Variants in RYR3 observed in about 807,000 individuals in gnomAD.
RYR3 encodes the protein brain ryanodine receptor-calcium release channel.
RYR3 carries 207 observed loss-of-function variants against 584.3 expected under a neutral mutation model. The ratio of observed to expected loss-of-function variants is 0.35; its 90% confidence interval spans 0.32 to 0.40. The LOEUF (loss-of-function observed/expected upper bound fraction) is 0.40, where lower values mean the gene tolerates loss of function less well. Among genes scored for constraint, RYR3 ranks in the 10% least tolerant of loss-of-function variants. RYR3 has a pLI of 1.00. For missense variants in RYR3, 5,616 were observed against 6,089.2 expected (o/e 0.92, Z 2.59); for synonymous variants, 2,416 against 2,248.5 (o/e 1.07, Z -2.11).
Position 33,696,336 on chromosome 15 carries a change from T to C in RYR3, c.5979T>C (p.Ile1993=), listed in dbSNP as rs1348375468. Residue 1993 remains isoleucine (I), a synonymous_variant, in exon 39 of 104, where the codon ATT becomes ATC. Coordinates refer to ENST00000634891, the MANE Select transcript of RYR3 (RefSeq NM_001036.6). ...FNLLRRQYDS[I]GELLQALRKT... is the part of the protein sequence containing the mutation. ...TCCTCCGGAGGCAGTATGACAGCAT[T>C]GGGGAGCTGCTGCAGGCGCTGCGGA... 1 of 1,613,634 alleles carries C rather than the reference T, an allele frequency of 6.2e-7. No individual in the cohort carries two copies.
chr15:33,854,844 T>C lies in RYR3; in HGVS notation c.13939T>C (p.Leu4647=), dbSNP rs376267599. ...YNNFFFAAHL[L]DIAMGFKTLR... is the part of the protein sequence containing the mutation. ...TAACTTCTTCTTTGCTGCTCACCTA[T>C]TGGACATCGCAATGGGCTTCAAGAC... The change falls in exon 98 of 104, where the codon TTG becomes CTG. Residue 4647 remains leucine (L), a synonymous_variant. Coordinates refer to ENST00000634891, the MANE Select transcript of RYR3 (RefSeq NM_001036.6). 40 of 1,613,808 alleles carry C rather than the reference T, an allele frequency of 2.5e-5. No individual in the cohort carries two copies. Among genetic ancestry groups the C allele is most frequent in the African/African-American group, 5.3e-5 (4 of 74,910 alleles).
At chr15:33,715,240 T>C (rs990457732) in intron 43 of RYR3, among the ~76,000 whole-genome samples, 2 of 152,118 alleles carry the variant, frequency 1.3e-5, no homozygotes, top group African/African-American at 4.8e-5. Context: ...GTTTTTAGAG[T>C]CAGAAAGGGC....
In RYR3 at chr15:33,831,055, C is replaced by G; in HGVS notation, c.11427C>G (p.Thr3809=). 6.2e-7 allele frequency: 1 copy of G among 1,613,664 alleles called. No individual in the cohort carries two copies. The highest frequency in any genetic ancestry group is 8.5e-7 in the Non-Finnish European group (1 of 1,179,788). Residue 3809 remains threonine, a synonymous_variant, in exon 86 of 104, where the codon ACC becomes ACG. Transcript: ENST00000634891. ...ATTTTTCCAAAGCTCTGGCAGTCAC[C>G]AAGCAGATTTTCAATTCTCTTACAG... ...QHNFSKALAV[T]KQIFNSLTEY...
At position 33,368,150 on chromosome 15, in the gene RYR3, AT is replaced by A. The variant is rs559078477; in HGVS notation, c.51+57056del. Among the ~76,000 whole-genome samples, 21 of 152,272 alleles carry A rather than the reference AT, an allele frequency of 1.4e-4. No homozygotes were observed. In the South Asian group the frequency reaches 4.4e-3, roughly 32 times the overall value. Reference sequence around the variant, plus strand: ...TTTTGAAAAACCAGCCTAGTTTTCAATTCACAAAGGTAAATCACAAAAAGAC... The same window carrying A: ...TTTTGAAAAACCAGCCTAGTTTTCAATCACAAAGGTAAATCACAAAAAGAC... On this transcript the variant is annotated intron_variant, in intron 1 of 103. Transcript: ENST00000634891.
chr15:33,810,144 G>A (rs1341790049), intron 70 of RYR3, among the ~76,000 whole-genome samples: 1 of 152,090 alleles, frequency 6.6e-6, no homozygotes, highest in Non-Finnish European at 1.5e-5. Context: ...AACTTTTCTG[G>A]GGCCATTTTT....
chr15:33,647,717 A>G (rs1377200203), intron 30 of RYR3, among the ~76,000 whole-genome samples: 1 of 152,194 alleles, frequency 6.6e-6, no homozygotes, highest in Non-Finnish European at 1.5e-5. Flanking sequence ...CCCATTTGCC[A>G]TCAGGGATCC....
intron 83 of RYR3, 51 bp downstream of exon 83, chr15:33,826,320 A>T: frequency 1.3e-6 from 2 of 1,575,412 alleles, no homozygotes; most frequent in Non-Finnish European, 1.7e-6. Flanking sequence ...ATCCTAGGAG[A>T]TCTCATTTAA....
intron 96 of RYR3, 138 bp downstream of exon 96, chr15:33,853,820 C>G: frequency 9.3e-7 from 1 of 1,076,518 alleles, no homozygotes; most frequent in Non-Finnish European, 1.3e-6. Flanking sequence ...GGTTCTAACA[C>G]TGGGAGAGCA....
chr15:33,849,966 C>G (rs1259105448), intron 94 of RYR3: 1 of 152,210 alleles, frequency 6.6e-6, no homozygotes, highest in Non-Finnish European at 1.5e-5. Context: ...TTTGTCATTA[C>G]ATTACAGAAG....
intron 1 of RYR3, among the ~76,000 whole-genome samples, chr15:33,411,378 T>A (rs2043393982): frequency 6.6e-6 from 1 of 152,252 alleles, no homozygotes; most frequent in African/African-American, 2.4e-5. Flanking sequence ...AGAAGTCTGA[T>A]GACAGACATC....
chr15:33,311,884 A>C lies in RYR3; in HGVS notation c.51+788A>C, dbSNP rs1367362537. Among the ~76,000 whole-genome samples the C allele has an allele frequency of 6.6e-6, 1 of 152,198 alleles. No individual in the cohort carries two copies. Among genetic ancestry groups the C allele is most frequent in the Non-Finnish European group, 1.5e-5 (1 of 68,036 alleles). On this transcript the variant is annotated intron_variant, in intron 1 of 103. Coordinates refer to ENST00000634891, the MANE Select transcript of RYR3 (RefSeq NM_001036.6). This position sits in a 1 kb window ranked among gnomAD's most constrained non-coding sequence, Gnocchi z 4.4. The stretch of plus-strand genomic sequence containing the variant: ...TGAGGGGGCGAAGTCTGTTGCAGCC[A>C]CACCAGCCTTGCCCTGTAGGAGATA...
intron 66 of RYR3, among the ~76,000 whole-genome samples, chr15:33,786,724 A>T (rs2074742111): frequency 6.6e-6 from 1 of 152,220 alleles, no homozygotes; most frequent in Non-Finnish European, 1.5e-5. Context: ...TGATTTAGGT[A>T]GTGGAGTCCA....
At chr15:33,394,709 C>T (rs1445225528) in intron 1 of RYR3, among the ~76,000 whole-genome samples, 1 of 152,196 alleles carries the variant, frequency 6.6e-6, no homozygotes, top group Non-Finnish European at 1.5e-5. Flanking sequence ...TATAGAAGAG[C>T]TCATCTCTTA....
At chr15:33,784,901 A>G (rs984483696) in intron 65 of RYR3, among the ~76,000 whole-genome samples, 19 of 152,140 alleles carry the variant, frequency 1.2e-4, no homozygotes, top group Admixed American at 1.2e-3. Flanking sequence ...CTGGTTGAAT[A>G]TTGAACTCTG....
At chr15:33,486,659 A>T (rs1391104880) in intron 2 of RYR3, among the ~76,000 whole-genome samples, 1 of 152,130 alleles carries the variant, frequency 6.6e-6, no homozygotes, top group African/African-American at 2.4e-5. Flanking sequence ...ATCAAAGAGG[A>T]GGGGAGTAGA....
At chr15:33,797,620 G>C (rs2075698659) in intron 67 of RYR3, among the ~76,000 whole-genome samples, 1 of 152,030 alleles carries the variant, frequency 6.6e-6, no homozygotes, top group Admixed American at 6.6e-5. Context: ...AATATGTTCA[G>C]CTGAAACCGC....
At chr15:33,539,187 G>C in intron 5 of RYR3, 163 bp from the exon 6 acceptor site, 1 of 550,608 alleles carries the variant, frequency 1.8e-6, no homozygotes, top group Non-Finnish European at 3.3e-6. Flanking sequence ...AGAGCAGATG[G>C]GGGGCTGTCT....
Position 33,628,588 on chromosome 15 carries a change from G to A in RYR3, c.2679+13G>A, listed in dbSNP as rs1348510025. The A allele has an allele frequency of 2.6e-6, 4 of 1,554,754 alleles. No homozygotes were observed. Among genetic ancestry groups the A allele is most frequent in the Non-Finnish European group, 3.6e-6 (4 of 1,126,364 alleles). The stretch of plus-strand genomic sequence containing the variant: ...GACTTTCGGCAAGGTATGTGTCTCA[G>A]GGCCAGGTTAGGGTGGAGGGTGGGA... On this transcript the variant is annotated intron_variant, in intron 21 of 103. Transcript: ENST00000634891.
At chr15:33,804,520 C>G (rs1204575104) in intron 69 of RYR3, among the ~76,000 whole-genome samples, 1 of 152,216 alleles carries the variant, frequency 6.6e-6, no homozygotes, top group African/African-American at 2.4e-5. Flanking sequence ...TTCCTGACTT[C>G]TCCCAGCTCT....
Sources: gnomAD v4.1 joint callset for allele counts (sites outside exome capture counted in the v4.1 genomes callset) on GRCh38, gnomAD v4.1.1 for gene constraint, Gnocchi (gnomAD v3.1) non-coding constraint, MANE v1.5 for transcripts, NCBI Gene and HGNC (gene_info 2026-07-23, HGNC 2026-07-21) for gene names.